The following METTL21C variants were observed in gnomAD, a reference collection of about 807,000 sequenced individuals.
METTL21C encodes methyltransferase 21C, AARS1 lysine, also known as protein-lysine methyltransferase METTL21C.
A neutral mutation model predicts 25.9 loss-of-function variants in METTL21C; 21 were observed. The ratio of observed to expected loss-of-function variants is 0.81; its 90% CI spans 0.58 to 1.17. METTL21C has a LOEUF of 1.17. METTL21C is among the 50% of genes most tolerant of loss of function. METTL21C has a pLI of 0.00. For missense variants in METTL21C, 312 were observed against 315.1 expected (o/e 0.99, Z 0.07); for synonymous variants, 125 against 124.7 (o/e 1.00, Z -0.01).
chr13:102,694,793 C>A lies in METTL21C; in HGVS notation c.-295G>T, dbSNP rs1288381633. ...TTAGCATTTGATGAACAAAATCCAG[C>A]CAGTGGAAGCCCAAGTTATTTAGGG... On this transcript the variant is annotated 5_prime_UTR_variant, in exon 1 of 4. Transcript: ENST00000267273. 4.0e-5 allele frequency among the ~76,000 whole-genome samples: 6 copies of A among 151,634 alleles called. No individual in the cohort carries two copies. Among genetic ancestry groups the A allele is most frequent in the African/African-American group, 1.5e-4 (6 of 41,254 alleles).
rs1885916151 is a variant in METTL21C, at chr13:102,694,862, A to G, written c.-364T>C. Among the ~76,000 whole-genome samples, 1 of 130,554 alleles carries G rather than the reference A, an allele frequency of 7.7e-6. No homozygotes were observed. Among genetic ancestry groups the G allele is most frequent in the African/African-American group, 3.3e-5 (1 of 30,726 alleles). 85.6% of individuals were successfully genotyped at this position (130,554 alleles called of 152,430 possible). A position where few individuals can be genotyped will look rare whatever the true frequency, so the allele number is the denominator to read the frequency against. Reference sequence around the variant, plus strand: ...CTCATAGACACATTACTTTGCTAGAATTCTCTCTCTTTCTCTCTCTCTCTC... The same window carrying G: ...CTCATAGACACATTACTTTGCTAGAGTTCTCTCTCTTTCTCTCTCTCTCTC... On this transcript the variant is annotated 5_prime_UTR_variant, in exon 1 of 4. Transcript: ENST00000267273.
intron 3 of METTL21C, among the ~76,000 whole-genome samples, chr13:102,686,671 A>C (rs191995147): frequency 8.5e-5 from 13 of 152,132 alleles, no homozygotes; most frequent in African/African-American, 2.6e-4. Context: ...ACCTCACCTC[A>C]CCTGTGGGAT....
chr13:102,686,767 A>T (rs111333442), intron 3 of METTL21C, among the ~76,000 whole-genome samples, 173 bp downstream of exon 3: 2 of 152,152 alleles, frequency 1.3e-5, no homozygotes, highest in East Asian at 3.9e-4. Flanking sequence ...CCTCTCTGAG[A>T]CTCAATGATC....
upstream of METTL21C, among the ~76,000 whole-genome samples, chr13:102,696,244 C>G (rs1885945577): frequency 6.6e-6 from 1 of 151,814 alleles, no homozygotes; most frequent in African/African-American, 2.4e-5. Flanking sequence ...AACCATCATT[C>G]TCAGCAAACT....
In METTL21C at chr13:102,686,061, T is replaced by G. The variant is rs949333595; in HGVS notation, c.765A>C (p.Lys255Asn). ...LLAEYPESSV[K>N]LFKGILKWD The stretch of plus-strand genomic sequence containing the variant: ...CCCATTTTAGTATCCCCTTAAAAAG[T>G]TTGACTGATGACTCTGGATATTCAG... The change falls in exon 4 of 4, where the codon AAA (lysine) becomes AAC (asparagine). Residue 255 changes from lysine (K) to asparagine (N), a missense_variant. Physicochemically the swap from Lys to Asn is moderately conservative, Grantham distance 94. Coordinates refer to ENST00000267273, the MANE Select transcript of METTL21C (RefSeq NM_001010977.3). 6.3e-7 allele frequency: 1 copy of G among 1,593,870 alleles called. No individual in the cohort carries two copies. Among genetic ancestry groups the G allele is most frequent in the Non-Finnish European group, 8.6e-7 (1 of 1,167,134 alleles).
the METTL21C span, among the ~76,000 whole-genome samples, chr13:102,700,263 T>C: frequency 0.32 from 48,747 of 152,108 alleles, 8,486 homozygotes; most frequent in East Asian, 0.47. Context: ...TGGCTGTCCA[T>C]AAATCACCTG....
At chr13:102,698,295 C>T (rs1885978250), upstream of METTL21C, among the ~76,000 whole-genome samples, 1 of 152,056 alleles carries the variant, frequency 6.6e-6, no homozygotes, top group Non-Finnish European at 1.5e-5. Flanking sequence ...CTTTATTCAT[C>T]AGGGAAGAAG....
At chr13:102,693,787 G>A (rs9518813) in intron 1 of METTL21C, among the ~76,000 whole-genome samples, 36,750 of 152,096 alleles carry the variant, frequency 0.24, 4,757 homozygotes, top group African/African-American at 0.32. Context: ...GCATTTTTAC[G>A]TAAACAATGC....
chr13:102,690,329 G>T (rs754534585), intron 2 of METTL21C, among the ~76,000 whole-genome samples: 55 of 151,960 alleles, frequency 3.6e-4, no homozygotes, highest in Admixed American at 1.6e-3. Context: ...GCTGAGGCAG[G>T]AGAATTGCAT....
chr13:102,686,688 CAG>C (rs1325923652), intron 3 of METTL21C, among the ~76,000 whole-genome samples: 5 of 152,174 alleles, frequency 3.3e-5, no homozygotes, highest in African/African-American at 1.2e-4. Context: ...GGATTGACAA[CAG>C]AGATTCAGAG....
At chr13:102,698,112 G>A (rs1885975126), upstream of METTL21C, among the ~76,000 whole-genome samples, 1 of 152,100 alleles carries the variant, frequency 6.6e-6, no homozygotes, top group Admixed American at 6.6e-5. Flanking sequence ...TTATATATCT[G>A]AAAGAATCTG....
chr13:102,703,389 G>A, the METTL21C span, among the ~76,000 whole-genome samples: 4 of 152,180 alleles, frequency 2.6e-5, no homozygotes, highest in African/African-American at 9.7e-5. Context: ...TAATTCATTG[G>A]TGTTCTTTTT....
At position 102,686,167 on chromosome 13, in the gene METTL21C, AG is replaced by A; in HGVS notation, c.658del (p.Leu220PhefsTer15). ...GCTGAACCTGAATTTGTTTGCCCAAAGCAGCACCGTCCCTGGCTGGGAAAGG... is the reference window on the plus strand; with the variant it reads ...GCTGAACCTGAATTTGTTTGCCCAAACAGCACCGTCCCTGGCTGGGAAAGG... ...VYLSQPGTVL[L>X]WANKFRFSTD... On this transcript the variant is annotated frameshift_variant, in exon 4 of 4. Coordinates refer to ENST00000267273, the MANE Select transcript of METTL21C (RefSeq NM_001010977.3). LOFTEE classifies it high-confidence loss of function. 1 of 1,614,222 alleles carries A rather than the reference AG, an allele frequency of 6.2e-7. No individual in the cohort carries two copies. Among genetic ancestry groups the A allele is most frequent in the Non-Finnish European group, 8.5e-7 (1 of 1,180,036 alleles).
chr13:102,701,837 A>G, the METTL21C span, among the ~76,000 whole-genome samples: 1 of 152,230 alleles, frequency 6.6e-6, no homozygotes, highest in Admixed American at 6.5e-5. Flanking sequence ...GTACAAGTCA[A>G]CATCATTCAT....
At chr13:102,686,601 C>CACTGTAAGATGGTGAGCAGCCT (rs1566387224) in intron 3 of METTL21C, among the ~76,000 whole-genome samples, 176 bp from the exon 4 acceptor site, 3 of 152,128 alleles carry the variant, frequency 2.0e-5, no homozygotes, top group Non-Finnish European at 4.4e-5. Flanking sequence ...CCGTCCCGTG[C>CACTGTAAGATGGTGAGCAGCCT]ACTGTAAGAT....
intron 2 of METTL21C, 115 bp downstream of exon 2, chr13:102,690,698 C>T: frequency 7.9e-7 from 1 of 1,270,410 alleles, no homozygotes; most frequent in Non-Finnish European, 1.1e-6. Flanking sequence ...AGCAACTGAA[C>T]CTCAAATTGA....
At chr13:102,690,444 G>A (rs1166901289) in intron 2 of METTL21C, among the ~76,000 whole-genome samples, 1 of 151,180 alleles carries the variant, frequency 6.6e-6, no homozygotes, top group Non-Finnish European at 1.5e-5. Context: ...AAAAAAGAGA[G>A]AGATGAATGG....
chr13:102,690,146 C>A (rs925231336), intron 2 of METTL21C, among the ~76,000 whole-genome samples: 1 of 152,066 alleles, frequency 6.6e-6, no homozygotes, highest in Non-Finnish European at 1.5e-5. Flanking sequence ...GCCGGCCGGG[C>A]GTGGTGGTTC....
Position 102,694,451 on chromosome 13 carries a change from T to A in METTL21C, c.48A>T (p.Glu16Asp), listed in dbSNP as rs1595246708. The A allele has an allele frequency of 1.9e-6, 3 of 1,608,940 alleles. No individual in the cohort carries two copies. Among genetic ancestry groups the A allele is most frequent in the Admixed American group, 1.7e-5 (1 of 59,710 alleles). The change falls in exon 1 of 4, where the codon GAA (glutamate) becomes GAT (aspartate). Residue 16 changes from glutamate (E) to aspartate (D), a missense_variant. Coordinates refer to ENST00000267273, the MANE Select transcript of METTL21C (RefSeq NM_001010977.3). ...SSAQQPGRRG[E>D]GLSSPGGWLE... ...ACCAGCCACCCGGGGAGCTGAGTCCTTCCCCCCGGCGCCCAGGCTGCTGCG... is the reference window on the plus strand; with the variant it reads ...ACCAGCCACCCGGGGAGCTGAGTCCATCCCCCCGGCGCCCAGGCTGCTGCG...
Sources: allele counts gnomAD v4.1 joint callset (sites outside exome capture counted in the v4.1 genomes callset), GRCh38; gene constraint gnomAD v4.1.1; transcripts MANE v1.5; gene names NCBI Gene and HGNC (gene_info 2026-07-23, HGNC 2026-07-21).